The following NKAIN3 variants were observed in gnomAD, a reference collection of about 807,000 sequenced individuals.
NKAIN3 encodes the protein sodium/potassium transporting ATPase interacting 3.
In NKAIN3, 25 loss-of-function variants were observed where a neutral mutation model predicts 30.2. The ratio of observed to expected loss-of-function variants is 0.83; its 90% CI spans 0.60 to 1.16. The LOEUF is 1.16. Among genes scored for constraint, NKAIN3 ranks in the 50% most tolerant of loss-of-function variants. The pLI, the probability that NKAIN3 is intolerant of heterozygous loss-of-function variation, is 0.00. For synonymous variants in NKAIN3, 91 were observed against 89.6 expected (o/e 1.02, Z -0.09); for missense variants, 225 against 254.1 (o/e 0.89, Z 0.78).
In NKAIN3 at chr8:62,806,600, A is replaced by G. The variant is rs1435488112; in HGVS notation, c.471+59471A>G. On this transcript the variant is annotated intron_variant, in intron 4 of 6. Coordinates refer to ENST00000623646, the MANE Select transcript of NKAIN3 (RefSeq NM_001304533.3). Reference sequence around the variant, plus strand: ...GTTCTCACTCATAGGTGGGAATTGAACAATGAGAACACATGGACACTGGAA... The same window carrying G: ...GTTCTCACTCATAGGTGGGAATTGAGCAATGAGAACACATGGACACTGGAA... 5.3e-5 allele frequency among the ~76,000 whole-genome samples: 8 copies of G among 152,122 alleles called. No homozygotes were observed. In the South Asian group the frequency reaches 1.7e-3, roughly 32 times the overall value.
chr8:62,832,293 A>T (rs1209709588), intron 4 of NKAIN3, among the ~76,000 whole-genome samples: 1 of 149,856 alleles, frequency 6.7e-6, no homozygotes, highest in Admixed American at 6.6e-5. Flanking sequence ...ACACACACAC[A>T]CACACACACA....
At chr8:62,789,606 G>T (rs1002782961) in intron 4 of NKAIN3, among the ~76,000 whole-genome samples, 2 of 151,526 alleles carry the variant, frequency 1.3e-5, no homozygotes, top group Non-Finnish European at 3.0e-5. Context: ...TCAAATAGAT[G>T]CAATAAAAAA....
intron 1 of NKAIN3, among the ~76,000 whole-genome samples, chr8:62,322,813 T>A (rs1056359151): frequency 2.0e-5 from 3 of 152,138 alleles, no homozygotes; most frequent in Non-Finnish European, 4.4e-5. Context: ...AGGGCTAGTA[T>A]CCAACATATA....
At chr8:62,798,714 G>A (rs1351032432) in intron 4 of NKAIN3, among the ~76,000 whole-genome samples, 1 of 152,188 alleles carries the variant, frequency 6.6e-6, no homozygotes, top group Non-Finnish European at 1.5e-5. Flanking sequence ...TTGCAGAACT[G>A]AGATAATAAA....
chr8:62,601,356 TC>T (rs1255620257), intron 3 of NKAIN3, among the ~76,000 whole-genome samples: 11 of 151,980 alleles, frequency 7.2e-5, no homozygotes, highest in Admixed American at 7.2e-4. Context: ...ATATCTATAT[TC>T]AGAAATAGTA....
At chr8:62,699,919 A>G (rs1814279487) in intron 3 of NKAIN3, among the ~76,000 whole-genome samples, 1 of 152,208 alleles carries the variant, frequency 6.6e-6, no homozygotes, top group African/African-American at 2.4e-5. Context: ...GGATCACTTG[A>G]GTTCAAGACC....
intron 1 of NKAIN3, among the ~76,000 whole-genome samples, chr8:62,410,929 G>A (rs930637953): frequency 3.9e-5 from 6 of 152,222 alleles, no homozygotes; most frequent in South Asian, 2.1e-4. Flanking sequence ...GGCAGTGGAC[G>A]AGATTAATTC....
chr8:62,906,659 G>C (rs1821787914), intron 4 of NKAIN3, among the ~76,000 whole-genome samples: 1 of 152,146 alleles, frequency 6.6e-6, no homozygotes, highest in Non-Finnish European at 1.5e-5. Flanking sequence ...AGTCTCATGA[G>C]ATCTGCTGGT....
chr8:62,964,778 T>G (rs1385750791), intron 6 of NKAIN3, among the ~76,000 whole-genome samples: 2 of 151,740 alleles, frequency 1.3e-5, no homozygotes, highest in Admixed American at 1.3e-4. Context: ...AGTCTACTGA[T>G]TTACGTGTTA....
rs778868856 is a variant in NKAIN3, at chr8:62,966,912, T to C, written c.*1505T>C. Among the ~76,000 whole-genome samples the C allele has an allele frequency of 5.9e-5, 9 of 152,178 alleles. No individual in the cohort carries two copies. The highest frequency in any genetic ancestry group is 1.3e-4 in the Admixed American group (2 of 15,272). On this transcript the variant is annotated 3_prime_UTR_variant, in exon 7 of 7. Transcript: ENST00000623646. ...CTTCTTGTTCTTCTTTCGGAGCCTA[T>C]AGGTTTCATGAGACTCTGTTAAGAA...
intron 1 of NKAIN3, among the ~76,000 whole-genome samples, chr8:62,494,136 T>C (rs1807158672): frequency 6.6e-6 from 1 of 152,216 alleles, no homozygotes; most frequent in African/African-American, 2.4e-5. Flanking sequence ...CTTTTTCCAA[T>C]TCATTATGAT....
At position 62,506,757 on chromosome 8, in the gene NKAIN3, G is replaced by A. The variant is rs184961134; in HGVS notation, c.55-72782G>A. Among the ~76,000 whole-genome samples the A allele has an allele frequency of 1.3e-3, 196 of 152,190 alleles. 1 individual carries two copies. The highest frequency in any genetic ancestry group is 6.6e-4 in the Non-Finnish European group (45 of 67,988). ...CAGAGTGCTGGGATTACAGGCATGA[G>A]CCACCATACCCAGCCTTTTACTGCT... On this transcript the variant is annotated intron_variant, in intron 1 of 6. Transcript: ENST00000623646.
At chr8:62,737,285 G>A (rs1401694523) in intron 3 of NKAIN3, among the ~76,000 whole-genome samples, 1 of 152,192 alleles carries the variant, frequency 6.6e-6, no homozygotes, top group Non-Finnish European at 1.5e-5. Context: ...ATGAGCAGAA[G>A]CATTGTCATG....
chr8:62,674,099 G>A (rs1813397316), intron 3 of NKAIN3, among the ~76,000 whole-genome samples: 1 of 152,156 alleles, frequency 6.6e-6, no homozygotes, highest in African/African-American at 2.4e-5. Context: ...GCTAACTACT[G>A]GGGTAGAGAA....
At chr8:62,702,493 A>G (rs1348049400) in intron 3 of NKAIN3, among the ~76,000 whole-genome samples, 1 of 152,208 alleles carries the variant, frequency 6.6e-6, no homozygotes, top group African/African-American at 2.4e-5. Context: ...TATTATAGAA[A>G]GACAAAATTT....
chr8:62,956,999 T>C (rs946107296), intron 6 of NKAIN3, among the ~76,000 whole-genome samples: 1 of 152,258 alleles, frequency 6.6e-6, no homozygotes, highest in Non-Finnish European at 1.5e-5. Flanking sequence ...ATAACTATAT[T>C]GGAAGATACT....
intron 4 of NKAIN3, among the ~76,000 whole-genome samples, chr8:62,780,799 T>C (rs1045340091): frequency 2.0e-5 from 3 of 151,996 alleles, no homozygotes; most frequent in African/African-American, 7.2e-5. Flanking sequence ...CTCAAAATAA[T>C]AGTGGTCATA....
At chr8:62,542,377 C>T (rs757050862) in intron 1 of NKAIN3, among the ~76,000 whole-genome samples, 1 of 151,994 alleles carries the variant, frequency 6.6e-6, no homozygotes, top group Non-Finnish European at 1.5e-5. Flanking sequence ...TCTAACTGTT[C>T]TTTGTTTTTT....
At chr8:62,856,939 A>C in intron 4 of NKAIN3, 1 of 575,754 alleles carries the variant, frequency 1.7e-6, no homozygotes, top group East Asian at 4.2e-5. Context: ...CTGAGATTCA[A>C]ACATAGCCCT....
Sources: gnomAD v4.1 joint callset for allele counts (sites outside exome capture counted in the v4.1 genomes callset) on GRCh38, gnomAD v4.1.1 for gene constraint, MANE v1.5 for transcripts, NCBI Gene and HGNC (gene_info 2026-07-23, HGNC 2026-07-21) for gene names.